Variants in CYP4Z1 observed in about 807,000 individuals in gnomAD.
The protein encoded by CYP4Z1 is cytochrome P450 family 4 subfamily Z member 1.
CYP4Z1 carries 41 observed loss-of-function variants against 54.2 expected under a neutral mutation model. The ratio of observed to expected loss-of-function variants is 0.76; its 90% CI spans 0.59 to 0.98. The LOEUF (loss-of-function observed/expected upper bound fraction) is 0.98. Ranked by LOEUF, CYP4Z1 falls within the 50% of genes least tolerant of loss-of-function variation. The pLI is 0.00. For synonymous variants in CYP4Z1, 163 were observed against 206.2 expected (o/e 0.79, Z 1.79); for missense variants, 513 against 599.0 (o/e 0.86, Z 1.50).
chr1:47,093,962 G>A (rs1226599053), intron 6 of CYP4Z1, among the ~76,000 whole-genome samples: 1 of 152,192 alleles, frequency 6.6e-6, no homozygotes, highest in African/African-American at 2.4e-5. Context: ...TACAAAGAGA[G>A]AAAGTTTGAT....
At chr1:47,077,711 C>T (rs1263770824) in intron 2 of CYP4Z1, among the ~76,000 whole-genome samples, 11 of 151,654 alleles carry the variant, frequency 7.3e-5, no homozygotes, top group Admixed American at 1.3e-4. Context: ...TCCTCTAGCT[C>T]CTGGGCCCAA....
intron 2 of CYP4Z1, among the ~76,000 whole-genome samples, chr1:47,079,875 G>A (rs188575464): frequency 3.6e-5 from 5 of 138,568 alleles, no homozygotes; most frequent in Admixed American, 1.5e-4. Flanking sequence ...GAGGGAGAGA[G>A]AGAGAGAGAG....
At chr1:47,059,616 A>T in the CYP4Z1 span, among the ~76,000 whole-genome samples, 1 of 152,156 alleles carries the variant, frequency 6.6e-6, no homozygotes. Context: ...GTTTTGGCAT[A>T]CCTGCTGTAC....
chr1:47,100,110 A>G (rs2148537005), intron 8 of CYP4Z1, among the ~76,000 whole-genome samples: 1 of 152,268 alleles, frequency 6.6e-6, no homozygotes, highest in African/African-American at 2.4e-5. Flanking sequence ...TTCTGTTTGA[A>G]GTACATATGA....
chr1:47,111,766 A>G (rs1644793444), intron 9 of CYP4Z1, among the ~76,000 whole-genome samples: 2 of 152,242 alleles, frequency 1.3e-5, no homozygotes, highest in African/African-American at 4.8e-5. Flanking sequence ...AAAGAGAAAC[A>G]TTACAAAATA....
At chr1:47,079,121 G>T (rs2148528098) in intron 2 of CYP4Z1, among the ~76,000 whole-genome samples, 1 of 152,264 alleles carries the variant, frequency 6.6e-6, no homozygotes, top group East Asian at 1.9e-4. Context: ...AACCCACACA[G>T]AAGTCAAAAC....
At chr1:47,094,719 A>G in intron 7 of CYP4Z1, 50 bp downstream of exon 7, 1 of 1,440,204 alleles carries the variant, frequency 6.9e-7, no homozygotes. Flanking sequence ...TTAAATAATA[A>G]AGAAATAGGC....
Position 47,117,912 on chromosome 1 carries a change from T to C in CYP4Z1, c.1496T>C (p.Val499Ala), listed in dbSNP as rs375736249. Residue 499 changes from valine (V) to alanine (A), a missense_variant, in exon 12 of 12, where the codon GTG becomes GCG. Coordinates refer to ENST00000334194, the MANE Select transcript of CYP4Z1 (RefSeq NM_178134.3). The part of the protein sequence containing the change: ...VVLKSKNGIH[V>A]FAKKVC ...CTCAAGTCCAAGAATGGAATCCATGTGTTTGCAAAAAAAGTTTGCTAATTT... is the reference window on the plus strand; with the variant it reads ...CTCAAGTCCAAGAATGGAATCCATGCGTTTGCAAAAAAAGTTTGCTAATTT... The C allele has an allele frequency of 1.9e-6, 3 of 1,612,900 alleles. No homozygotes were observed. In the African/African-American group the frequency reaches 4.0e-5, roughly 22 times the overall value.
chr1:47,094,517 A>G lies in CYP4Z1; in HGVS notation c.773-49A>G, dbSNP rs1250136545. On this transcript the variant is annotated intron_variant, in intron 6 of 11. Transcript: ENST00000334194. Reference sequence around the variant, plus strand: ...TCAGAACTACATTTGGCTTTGATTGACTTTCCAGTAACCTTGATAATAACA... The same window carrying G: ...TCAGAACTACATTTGGCTTTGATTGGCTTTCCAGTAACCTTGATAATAACA... The G allele has an allele frequency of 3.1e-6, 4 of 1,306,790 alleles. No homozygotes were observed. The African/African-American group carries it at 6.1e-5, about 20-fold the overall frequency. The allele number at this position is 1,306,790 out of a possible 1,614,324, so 80.9% of individuals were successfully genotyped here. A position where few individuals can be genotyped will look rare whatever the true frequency, so the allele number is the denominator to read the frequency against.
chr1:47,084,476 T>A (rs1644577185), intron 4 of CYP4Z1, 144 bp from the exon 5 acceptor site: 1 of 1,133,426 alleles, frequency 8.8e-7, no homozygotes, highest in African/African-American at 1.6e-5. Context: ...GGTGTTTCAT[T>A]TTATATGGTT....
At chr1:47,076,698 A>G (rs1287607221) in intron 2 of CYP4Z1, among the ~76,000 whole-genome samples, 1 of 150,880 alleles carries the variant, frequency 6.6e-6, no homozygotes, top group East Asian at 2.0e-4. Flanking sequence ...ACAAAAAATT[A>G]GCCGGGAGCG....
At chr1:47,086,807 T>C (rs2148531282) in intron 6 of CYP4Z1, among the ~76,000 whole-genome samples, 2 of 152,210 alleles carry the variant, frequency 1.3e-5, no homozygotes, top group Non-Finnish European at 2.9e-5. Flanking sequence ...GGTTTTCTTC[T>C]AGGGTTTTTA....
At chr1:47,085,135 G>A (rs1009482173) in intron 6 of CYP4Z1, among the ~76,000 whole-genome samples, 157 bp downstream of exon 6, 1 of 151,870 alleles carries the variant, frequency 6.6e-6, no homozygotes, top group Non-Finnish European at 1.5e-5. Context: ...CTACATAAAT[G>A]CTATGTAGAG....
the CYP4Z1 span, among the ~76,000 whole-genome samples, chr1:47,057,335 A>AAAAAAAAAAAAAAAAAAAAAT: frequency 7.0e-5 from 2 of 28,490 alleles, no homozygotes; most frequent in Non-Finnish European, 1.7e-4. Context: ...AAGAAAAAAA[A>AAAAAAAAAAAAAAAAAAAAAT]ATATATATAT....
intron 9 of CYP4Z1, among the ~76,000 whole-genome samples, chr1:47,115,187 A>G (rs1644820778): frequency 6.6e-6 from 1 of 152,166 alleles, no homozygotes; most frequent in Non-Finnish European, 1.5e-5. Context: ...TCAGCAAACT[A>G]TCGCAAGGAC....
rs182581305 is a variant in CYP4Z1, at chr1:47,102,839, T to G, written c.1068-3289T>G. ...TGAATTGTATCTATTTGGGGATTTT[T>G]AAGCCTCCAGTATGTGGACGTGTAA... is the stretch of plus-strand genomic sequence containing the variant. On this transcript the variant is annotated intron_variant, in intron 8 of 11. Coordinates refer to ENST00000334194, the MANE Select transcript of CYP4Z1 (RefSeq NM_178134.3). 3.9e-3 allele frequency among the ~76,000 whole-genome samples: 587 copies of G among 152,300 alleles called. 3 individuals carry two copies. Among genetic ancestry groups the G allele is most frequent in the African/African-American group, 0.013 (548 of 41,576 alleles).
At chr1:47,087,221 A>C (rs1400549421) in intron 6 of CYP4Z1, among the ~76,000 whole-genome samples, 1 of 152,106 alleles carries the variant, frequency 6.6e-6, no homozygotes, top group Non-Finnish European at 1.5e-5. Flanking sequence ...TTTTTTTCCA[A>C]TTCTGTGAAG....
At chr1:47,103,931 T>C (rs1341267660) in intron 8 of CYP4Z1, among the ~76,000 whole-genome samples, 2 of 152,202 alleles carry the variant, frequency 1.3e-5, no homozygotes, top group Non-Finnish European at 2.9e-5. Flanking sequence ...ATATTTTGAA[T>C]TCTTTTCCCA....
the CYP4Z1 span, among the ~76,000 whole-genome samples, chr1:47,057,370 ATATATATG>A: frequency 9.6e-5 from 11 of 114,740 alleles, no homozygotes; most frequent in African/African-American, 3.3e-4. Context: ...ATATATATAT[ATATATATG>A]TATATTCTGC....
Sources: gnomAD v4.1 joint callset for allele counts (sites outside exome capture counted in the v4.1 genomes callset) on GRCh38, gnomAD v4.1.1 for gene constraint, MANE v1.5 for transcripts, NCBI Gene and HGNC (gene_info 2026-07-23, HGNC 2026-07-21) for gene names.